The following PLAUR variants were observed in gnomAD, a reference collection of about 807,000 sequenced individuals.
PLAUR encodes plasminogen activator, urokinase receptor.
In PLAUR, 22 loss-of-function variants were observed where a neutral mutation model predicts 33.4. The observed-to-expected ratio is 0.66, with a 90% CI of 0.47 to 0.94. PLAUR has a LOEUF of 0.94. PLAUR is among the 40% of genes least tolerant of loss of function. The probability of loss-of-function intolerance (pLI) is 0.00; values close to 1 mark genes in which losing one functional copy is unlikely to be tolerated. For synonymous variants in PLAUR, 148 were observed against 167.3 expected, an observed-to-expected ratio of 0.88 and a Z score of 0.89; for missense variants, 408 against 434.7, an observed-to-expected ratio of 0.94 and a Z score of 0.55.
chr19:43,668,791 A>G (rs1205221215), intron 1 of PLAUR, among the ~76,000 whole-genome samples: 9 of 147,480 alleles, frequency 6.1e-5, no homozygotes, highest in Admixed American at 5.4e-4. Context: ...CCCTCTGGTT[A>G]CGCCTCGAGG....
chr19:43,648,937 G>A lies in PLAUR; in HGVS notation c.961C>T (p.Leu321=), dbSNP rs1367640365. The A allele has an allele frequency of 6.2e-7, 1 of 1,614,202 alleles. No individual in the cohort carries two copies. Among genetic ancestry groups the A allele is most frequent in the Non-Finnish European group, 8.5e-7 (1 of 1,180,028 alleles). ...GPAHLSLTIT[L]LMTARLWGGT... ...CCCCACAGTCTGGCAGTCATTAGCA[G>A]GGTGATGGTGAGGCTGAGATGGGCA... is the stretch of plus-strand genomic sequence containing the variant. Residue 321 remains leucine, a synonymous_variant, in exon 7 of 7, where the codon CTG becomes TTG. Transcript: ENST00000340093.
At chr19:43,651,128 G>A (rs1338638605) in intron 6 of PLAUR, among the ~76,000 whole-genome samples, 1 of 151,342 alleles carries the variant, frequency 6.6e-6, no homozygotes, top group African/African-American at 2.4e-5. Flanking sequence ...GCCCAGGCTG[G>A]AGTGCAATGG....
intron 3 of PLAUR, among the ~76,000 whole-genome samples, chr19:43,659,167 C>CTTTTTCTTTTTTT (rs1555780396): frequency 1.0e-5 from 1 of 97,138 alleles, no homozygotes; most frequent in East Asian, 2.9e-4. Context: ...CTTTTCTTTT[C>CTTTTTCTTTTTTT]TTTTTTTTTT....
In PLAUR at chr19:43,665,440, C is replaced by G; in HGVS notation, c.186G>C (p.Leu62=). 1.9e-6 allele frequency: 3 copies of G among 1,613,244 alleles called. No homozygotes were observed. Among genetic ancestry groups the G allele is most frequent in the Non-Finnish European group, 2.5e-6 (3 of 1,179,866 alleles). ...CTGAGTGGGTACAGCTTTTCTCCAC[C>G]AGCTCCAGCTCTTCTCCTTCTGCAA... ...RLWEEGEELE[L]VEKSCTHSEK... Residue 62 remains leucine (L), a synonymous_variant, in exon 3 of 7, where the codon CTG becomes CTC. Coordinates refer to ENST00000340093, the MANE Select transcript of PLAUR (RefSeq NM_002659.4).
At chr19:43,656,234 CAGAG>C (rs1255862719) in intron 4 of PLAUR, among the ~76,000 whole-genome samples, 1 of 136,586 alleles carries the variant, frequency 7.3e-6, no homozygotes, top group Non-Finnish European at 1.6e-5. Context: ...GCCTGGGTGA[CAGAG>C]AGCAAGACTC....
chr19:43,657,496 C>T lies in PLAUR; in HGVS notation c.311-856G>A, dbSNP rs576170032. On this transcript the variant is annotated intron_variant, in intron 3 of 6. Coordinates refer to ENST00000340093, the MANE Select transcript of PLAUR (RefSeq NM_002659.4). Reference sequence around the variant, plus strand: ...CTGGCATCCAGGCCTTTGCATATGCCGTTGTTTCTGTCTAGAACACCTTTC... The same window carrying T: ...CTGGCATCCAGGCCTTTGCATATGCTGTTGTTTCTGTCTAGAACACCTTTC... Among the ~76,000 whole-genome samples, 19 of 152,316 alleles carry T rather than the reference C, an allele frequency of 1.2e-4. No homozygotes were observed. The South Asian group carries it at 2.9e-3, about 23-fold the overall frequency.
At position 43,648,743 on chromosome 19, in the gene PLAUR, T is replaced by C. The variant is rs1202192203; in HGVS notation, c.*147A>G. ...TTCTGCTTCACACAACTTTGTGAGA[T>C]AGCTGTTTTCATAGCTGGGAAAACT... is the stretch of plus-strand genomic sequence containing the variant. On this transcript the variant is annotated 3_prime_UTR_variant, in exon 7 of 7. Transcript: ENST00000340093. 2.1e-6 allele frequency: 2 copies of C among 964,730 alleles called. No homozygotes were observed. Among genetic ancestry groups the C allele is most frequent in the East Asian group, 2.5e-5 (1 of 40,320 alleles). 59.8% of individuals were successfully genotyped at this position (964,730 alleles called of 1,614,324 possible).
At chr19:43,665,223 A>C in intron 3 of PLAUR, 93 bp downstream of exon 3, 1 of 1,333,576 alleles carries the variant, frequency 7.5e-7, no homozygotes, top group Non-Finnish European at 1.1e-6. Context: ...GTTGGGGTTC[A>C]GCTGATGTAA....
chr19:43,669,309 C>T (rs1386984830), intron 1 of PLAUR, among the ~76,000 whole-genome samples: 2 of 152,170 alleles, frequency 1.3e-5, no homozygotes, highest in South Asian at 2.1e-4. Context: ...CCTGTCCCCC[C>T]GTTTCTCAGA....
At position 43,654,737 on chromosome 19, in the gene PLAUR, C is replaced by G. The variant is rs553289719; in HGVS notation, c.607+702G>C. Among the ~76,000 whole-genome samples, 13 of 151,884 alleles carry G rather than the reference C, an allele frequency of 8.6e-5. No homozygotes were observed. In the East Asian group the frequency reaches 2.3e-3, roughly 27 times the overall value. On this transcript the variant is annotated intron_variant, in intron 5 of 6. Coordinates refer to ENST00000340093, the MANE Select transcript of PLAUR (RefSeq NM_002659.4). The stretch of plus-strand genomic sequence containing the variant: ...TGACAGAGCGAGACCCTGTCCCCCC[C>G]ATACCCCCCAAAAAATCACTCGCTG...
rs1290087671 is a variant in PLAUR, at chr19:43,651,887, T to C, written c.754+338A>G. On this transcript the variant is annotated intron_variant, in intron 6 of 6. Transcript: ENST00000340093. ...ACGAGAAATCCACCAAAGAATTCCA[T>C]TTTTCTTTTTGTAGAGATGGGGGTC... 8.6e-6 allele frequency: 9 copies of C among 1,041,362 alleles called. No homozygotes were observed. In the East Asian group the frequency reaches 7.1e-4, roughly 82 times the overall value. The allele number at this position is 1,041,362 out of a possible 1,614,324, so 64.5% of individuals were successfully genotyped here.
Position 43,648,759 on chromosome 19 carries a change from TG to T in PLAUR, c.*130del. The T allele has an allele frequency of 9.4e-7, 1 of 1,068,534 alleles. No individual in the cohort carries two copies. Among genetic ancestry groups the T allele is most frequent in the Non-Finnish European group, 1.4e-6 (1 of 739,934 alleles). The allele number at this position is 1,068,534 out of a possible 1,614,324, so 66.2% of individuals were successfully genotyped here. A position where few individuals can be genotyped will look rare whatever the true frequency, so the allele number is the denominator to read the frequency against. ...TTTGTGAGATAGCTGTTTTCATAGC[TG>T]GGAAAACTGAGGCCCAGAGAGGTCG... On this transcript the variant is annotated 3_prime_UTR_variant, in exon 7 of 7. Coordinates refer to ENST00000340093, the MANE Select transcript of PLAUR (RefSeq NM_002659.4).
intron 6 of PLAUR, among the ~76,000 whole-genome samples, chr19:43,650,822 C>T (rs1009163456): frequency 1.3e-5 from 2 of 151,846 alleles, no homozygotes; most frequent in African/African-American, 4.8e-5. Flanking sequence ...ATCATGAGGT[C>T]AGGAGATCGA....
chr19:43,647,242 C>T (rs1973840027), downstream of PLAUR, among the ~76,000 whole-genome samples: 1 of 152,208 alleles, frequency 6.6e-6, no homozygotes, highest in African/African-American at 2.4e-5. Flanking sequence ...TTCTGACAGT[C>T]CTGAGGCATC....
chr19:43,668,270 TA>T, intron 1 of PLAUR: 1 of 986,986 alleles, frequency 1.0e-6, no homozygotes, highest in Non-Finnish European at 1.2e-6. Context: ...TTTCTATTGT[TA>T]GATACTCTAG....
intron 2 of PLAUR, chr19:43,667,350 G>A (rs1967299521): frequency 5.2e-6 from 3 of 576,296 alleles, no homozygotes. Context: ...GCTCTAAGTG[G>A]TTGATGTGCC....
chr19:43,658,558 G>A (rs1460883613), intron 3 of PLAUR, among the ~76,000 whole-genome samples: 3 of 152,132 alleles, frequency 2.0e-5, no homozygotes, highest in East Asian at 1.9e-4. Context: ...CCTTTTGCAC[G>A]AACCTTGTGG....
At chr19:43,666,522 T>A (rs1285159111) in intron 2 of PLAUR, among the ~76,000 whole-genome samples, 1 of 121,352 alleles carries the variant, frequency 8.2e-6, no homozygotes, top group Non-Finnish European at 1.7e-5. Context: ...TCTCCGTCCC[T>A]CCCTCCCTTC....
At chr19:43,650,068 G>C (rs1353469633) in intron 6 of PLAUR, among the ~76,000 whole-genome samples, 1 of 148,724 alleles carries the variant, frequency 6.7e-6, no homozygotes, top group Admixed American at 6.8e-5. Flanking sequence ...CTGGAGTGCA[G>C]TGGCACGATC....
Sources: gnomAD v4.1 joint callset for allele counts (sites outside exome capture counted in the v4.1 genomes callset) on GRCh38, gnomAD v4.1.1 for gene constraint, MANE v1.5 for transcripts, NCBI Gene and HGNC (gene_info 2026-07-23, HGNC 2026-07-21) for gene names.